BBOF1: variants seen among roughly 807,000 people sequenced by gnomAD.
BBOF1 encodes the protein basal body-orientation factor 1.
A neutral mutation model predicts 68.0 loss-of-function variants in BBOF1; 62 were observed. The ratio of observed to expected loss-of-function variants is 0.91; its 90% CI spans 0.74 to 1.13. The LOEUF is 1.13. Ranked by LOEUF, BBOF1 falls within the 50% of genes most tolerant of loss-of-function variation. The pLI, the probability that BBOF1 is intolerant of heterozygous loss-of-function variation, is 0.00. For synonymous variants in BBOF1, 208 were observed against 198.8 expected, an observed-to-expected ratio of 1.05 and a Z score of -0.39; for missense variants, 534 against 600.1, an observed-to-expected ratio of 0.89 and a Z score of 1.15.
intron 9 of BBOF1, chr14:74,074,916 T>A: frequency 4.4e-6 from 7 of 1,592,126 alleles, no homozygotes; most frequent in Admixed American, 1.7e-5. Context: ...TATACTGAAT[T>A]CCTTCTCAGA....
At chr14:74,068,253 C>A (rs10143305), downstream of BBOF1, among the ~76,000 whole-genome samples, 1,090 of 151,682 alleles carry the variant, frequency 7.2e-3, 14 homozygotes, top group African/African-American at 0.025. Flanking sequence ...GTGGTAGGCA[C>A]CTGTAATCCC....
chr14:74,069,478 C>T (rs754169546), downstream of BBOF1, among the ~76,000 whole-genome samples: 17 of 151,578 alleles, frequency 1.1e-4, no homozygotes, highest in Admixed American at 3.3e-4. Context: ...CGGCTGGACA[C>T]GGTGGCGCAT....
At chr14:74,029,976 G>A (rs183880649) in intron 3 of BBOF1, among the ~76,000 whole-genome samples, 14 of 151,998 alleles carry the variant, frequency 9.2e-5, no homozygotes, top group East Asian at 3.9e-4. Flanking sequence ...ACCTAGTTGC[G>A]TAAACCCCAA....
chr14:74,048,230 C>G, intron 7 of BBOF1, 156 bp downstream of exon 7: 1 of 625,544 alleles, frequency 1.6e-6, no homozygotes, highest in East Asian at 2.9e-5. Flanking sequence ...AGGTTAAATA[C>G]TCAATCTTAT....
intron 3 of BBOF1, among the ~76,000 whole-genome samples, chr14:74,033,702 C>T (rs897913786): frequency 1.3e-5 from 2 of 152,086 alleles, no homozygotes; most frequent in East Asian, 1.9e-4. Flanking sequence ...TGGTGAAACA[C>T]CGTCTCTACT....
intron 10 of BBOF1, among the ~76,000 whole-genome samples, chr14:74,080,197 T>C (rs1308868154): frequency 6.6e-6 from 1 of 151,970 alleles, no homozygotes; most frequent in Non-Finnish European, 1.5e-5. Flanking sequence ...CCTCCCTCTC[T>C]CTCTGCAGGG....
At chr14:74,021,919 A>G (rs1025956393) in intron 1 of BBOF1, among the ~76,000 whole-genome samples, 2 of 152,084 alleles carry the variant, frequency 1.3e-5, no homozygotes, top group African/African-American at 4.8e-5. Context: ...CCCCAGAAAA[A>G]AAAAAAACAC....
downstream of BBOF1, chr14:74,067,253 A>T: frequency 9.0e-7 from 1 of 1,110,964 alleles, no homozygotes; most frequent in Non-Finnish European, 1.4e-6. Context: ...AATGACAAGT[A>T]CAGTATAAAG....
chr14:74,076,431 G>A (rs1353193409), intron 9 of BBOF1, among the ~76,000 whole-genome samples: 1 of 152,030 alleles, frequency 6.6e-6, no homozygotes, highest in Non-Finnish European at 1.5e-5. Flanking sequence ...GCATGATCTC[G>A]GCTCACTGCA....
intron 9 of BBOF1, chr14:74,071,524 C>G (rs1418732723): frequency 6.2e-7 from 1 of 1,612,968 alleles, no homozygotes; most frequent in Non-Finnish European, 8.5e-7. Flanking sequence ...AGGCCATCAG[C>G]TCTCCACACT....
chr14:74,056,035 T>A (rs34029605), intron 9 of BBOF1, among the ~76,000 whole-genome samples: 44,953 of 108,598 alleles, frequency 0.41, 7,011 homozygotes, highest in East Asian at 0.73. Flanking sequence ...AAGATAAGTA[T>A]TTTTTTTTTT....
intron 10 of BBOF1, among the ~76,000 whole-genome samples, chr14:74,078,986 C>A (rs116159313): frequency 0.023 from 3,499 of 151,806 alleles, 86 homozygotes; most frequent in African/African-American, 0.03. Flanking sequence ...TTTAAGTTTC[C>A]CAAGGCTTGG....
chr14:74,055,624 TG>T lies in BBOF1; in HGVS notation c.1330del (p.Glu444SerfsTer14). 5 of 1,613,992 alleles carry T rather than the reference TG, an allele frequency of 3.1e-6. No individual in the cohort carries two copies. Among genetic ancestry groups the T allele is most frequent in the Non-Finnish European group, 4.2e-6 (5 of 1,179,910 alleles). On this transcript the variant is annotated frameshift_variant, in exon 9 of 12. Transcript: ENST00000394009. LOFTEE classifies it high-confidence loss of function. Reference protein sequence around the residue: ...EGNVDIGDLTWEQKEKVLRLL... With the variant: ...EGNVDIGDLTXEQKEKVLRLL... ...AAATGTGGATATTGGAGATTTGACC[TG>T]GGAGCAGAAGGAAAAAGTATTGCGA... is the stretch of plus-strand genomic sequence containing the variant.
At chr14:74,075,118 G>A in intron 9 of BBOF1, 2 of 1,052,200 alleles carry the variant, frequency 1.9e-6, no homozygotes, top group Admixed American at 2.0e-5. Context: ...TATATAGGGG[G>A]TATGTTTCTC....
intron 4 of BBOF1, among the ~76,000 whole-genome samples, chr14:74,035,452 C>T (rs2059675161): frequency 1.4e-5 from 2 of 142,408 alleles, no homozygotes; most frequent in African/African-American, 2.6e-5. Context: ...AGTCTTACTC[C>T]ATCACCCAGG....
At chr14:74,020,906 A>G (rs997492089) in intron 1 of BBOF1, among the ~76,000 whole-genome samples, 3 of 152,310 alleles carry the variant, frequency 2.0e-5, no homozygotes, top group East Asian at 3.9e-4. Flanking sequence ...ATCAACAGCT[A>G]TAACAGGCTG....
At position 74,029,221 on chromosome 14, in the gene BBOF1, A is replaced by G; in HGVS notation, c.323A>G (p.Glu108Gly). 6.4e-7 allele frequency: 1 copy of G among 1,561,144 alleles called. No individual in the cohort carries two copies. ...AAACAGCAATTAAATGAAACAAAGG[A>G]AAAAGCCCAAGAGGAGAAGGATAAA... ...KLKQQLNETK[E>G]KAQEEKDKLE... The change falls in exon 3 of 12, where the codon GAA (glutamate) becomes GGA (glycine). Residue 108 changes from glutamate to glycine, a missense_variant. By Grantham distance (98) the Glu-to-Gly change is moderately conservative. Transcript: ENST00000394009.
In BBOF1 at chr14:74,038,433, C is replaced by G. The variant is rs1027240057; in HGVS notation, c.496-2132C>G. 5.3e-5 allele frequency among the ~76,000 whole-genome samples: 8 copies of G among 152,084 alleles called. 1 individual carries two copies. Among genetic ancestry groups the G allele is most frequent in the Admixed American group, 3.9e-4 (6 of 15,264 alleles). The stretch of plus-strand genomic sequence containing the variant: ...TTTTTTTAAAGAACAGTGTTGCCAC[C>G]TAGTGGAGAAATAGATTTCAGACCT... On this transcript the variant is annotated intron_variant, in intron 4 of 11. Coordinates refer to ENST00000394009, the MANE Select transcript of BBOF1 (RefSeq NM_025057.3).
intron 11 of BBOF1, chr14:74,060,829 T>C (rs2060323461): frequency 7.3e-6 from 7 of 954,384 alleles, no homozygotes; most frequent in East Asian, 4.8e-5. Flanking sequence ...GGAGGTATTA[T>C]AAAGTGCTAC....
Sources: allele counts gnomAD v4.1 joint callset (sites outside exome capture counted in the v4.1 genomes callset), GRCh38; gene constraint gnomAD v4.1.1; transcripts MANE v1.5; gene names NCBI Gene and HGNC (gene_info 2026-07-23, HGNC 2026-07-21).